AFF2: variants seen among roughly 807,000 people sequenced by gnomAD.
AFF2 encodes ALF transcription elongation factor 2, also known as AF4/FMR2 family member 2.
A neutral mutation model predicts 76.9 loss-of-function variants in AFF2; 14 were observed. That is an observed-to-expected ratio of 0.18 (90% CI 0.12 to 0.28). The LOEUF (loss-of-function observed/expected upper bound fraction) is 0.28, where lower values mean the gene tolerates loss of function less well. Ranked by LOEUF, AFF2 falls within the 10% of genes least tolerant of loss-of-function variation. The pLI, the probability that AFF2 is intolerant of heterozygous loss-of-function variation, is 1.00. For synonymous variants in AFF2, 398 were observed against 366.7 expected (o/e 1.09, Z -0.98); for missense variants, 868 against 1,001.1 (o/e 0.87, Z 1.79).
intron 1 of AFF2, among the ~76,000 whole-genome samples, chrX:148,612,454 C>A (rs1190947407): frequency 8.9e-6 from 1 of 112,312 alleles, no homozygotes; most frequent in Non-Finnish European, 1.9e-5. Context: ...GTATTTTCCA[C>A]CTGATACTGC....
intron 1 of AFF2, among the ~76,000 whole-genome samples, chrX:148,641,434 G>A (rs1375922964): frequency 8.9e-6 from 1 of 111,821 alleles, no homozygotes; most frequent in Non-Finnish European, 1.9e-5. Flanking sequence ...AGGGGAGAAA[G>A]AAGAATGAGT....
At chrX:148,747,582 T>C (rs782219561) in intron 3 of AFF2, among the ~76,000 whole-genome samples, 1 of 111,924 alleles carries the variant, frequency 8.9e-6, no homozygotes, top group African/African-American at 3.2e-5. Flanking sequence ...TGCCTGGGAC[T>C]GTTTTGTTGT....
intron 9 of AFF2, among the ~76,000 whole-genome samples, chrX:148,938,125 T>C (rs781958477): frequency 1.9e-4 from 21 of 112,388 alleles, no homozygotes; most frequent in Non-Finnish European, 3.4e-4. Context: ...TGGAGTCTTA[T>C]GTATTCCCTC....
intron 19 of AFF2, among the ~76,000 whole-genome samples, chrX:148,982,351 C>T (rs1557290976): frequency 3.6e-5 from 4 of 111,819 alleles, no homozygotes; most frequent in African/African-American, 6.5e-5. Context: ...ATCTGCAGCA[C>T]GATGGGCTGG....
At chrX:148,576,180 A>G (rs1222261373) in intron 1 of AFF2, among the ~76,000 whole-genome samples, 2 of 111,878 alleles carry the variant, frequency 1.8e-5, no homozygotes, top group Non-Finnish European at 1.9e-5. Context: ...TGGCACCCAG[A>G]TGCTTTGCTG....
intron 1 of AFF2, among the ~76,000 whole-genome samples, chrX:148,603,548 G>T (rs2053646874): frequency 9.2e-6 from 1 of 109,281 alleles, no homozygotes; most frequent in African/African-American, 3.3e-5. Flanking sequence ...TATTTTAGGG[G>T]GAGACTTTGA....
intron 1 of AFF2, among the ~76,000 whole-genome samples, chrX:148,585,472 A>G (rs782050329): frequency 3.6e-5 from 4 of 112,116 alleles, no homozygotes; most frequent in Non-Finnish European, 5.6e-5. Flanking sequence ...CTTGGCACAG[A>G]GTATGCTCTC....
chrX:148,874,514 G>A (rs2071014020), intron 7 of AFF2, among the ~76,000 whole-genome samples: 3 of 111,179 alleles, frequency 2.7e-5, no homozygotes, highest in Non-Finnish European at 5.7e-5. Context: ...GCACAGGCTG[G>A]ACCTGTAGTC....
intron 3 of AFF2, among the ~76,000 whole-genome samples, chrX:148,755,474 T>G (rs1466035590): frequency 9.0e-6 from 1 of 111,568 alleles, no homozygotes; most frequent in African/African-American, 3.3e-5. Flanking sequence ...TGCAGCAAGT[T>G]AGAATCACAT....
At chrX:148,519,953 G>T (rs1012656308) in intron 1 of AFF2, among the ~76,000 whole-genome samples, 5 of 112,094 alleles carry the variant, frequency 4.5e-5, no homozygotes, top group African/African-American at 1.6e-4. Context: ...AATGCTAGCT[G>T]CCCTGAAGAT....
intron 16 of AFF2, among the ~76,000 whole-genome samples, chrX:148,975,191 A>G (rs1856335170): frequency 9.0e-6 from 1 of 110,852 alleles, no homozygotes; most frequent in Non-Finnish European, 1.9e-5. Flanking sequence ...AGCCATACAA[A>G]TGAGTATTCA....
At chrX:148,922,201 C>A (rs1765344253) in intron 9 of AFF2, among the ~76,000 whole-genome samples, 1 of 111,803 alleles carries the variant, frequency 8.9e-6, no homozygotes, top group Admixed American at 9.5e-5. Flanking sequence ...ATTTCCTCCC[C>A]TGGTATATTT....
At chrX:148,610,234 T>C (rs1181558257) in intron 1 of AFF2, among the ~76,000 whole-genome samples, 3 of 111,149 alleles carry the variant, frequency 2.7e-5, no homozygotes, top group African/African-American at 9.8e-5. Flanking sequence ...ATTCTAACTG[T>C]AAATGACTTG....
chrX:148,953,603 C>G lies in AFF2; in HGVS notation c.1421C>G (p.Pro474Arg). ...PVNPPLATPQ[P>R]PPAVQASGGS... The stretch of plus-strand genomic sequence containing the variant: ...AGCCCACCCTTGGCCACTCCCCAGC[C>G]CCCACCTGCAGTGCAAGCCAGCGGG... Residue 474 changes from proline (P) to arginine (R), a missense_variant, in exon 10 of 21, where the codon CCC (proline) becomes CGC (arginine). Transcript: ENST00000370460. The G allele has an allele frequency of 8.3e-7, 1 of 1,211,044 alleles. No individual in the cohort carries two copies. Among genetic ancestry groups the G allele is most frequent in the Admixed American group, 2.2e-5 (1 of 45,969 alleles).
chrX:148,829,547 G>T (rs1376361420), intron 4 of AFF2, among the ~76,000 whole-genome samples: 1 of 111,953 alleles, frequency 8.9e-6, no homozygotes, highest in Admixed American at 9.5e-5. Context: ...ATCCCTGGGA[G>T]AATGACAAAT....
At chrX:148,581,111 A>ATG (rs2053364617) in intron 1 of AFF2, among the ~76,000 whole-genome samples, 1 of 94,677 alleles carries the variant, frequency 1.1e-5, no homozygotes, top group African/African-American at 3.6e-5. Context: ...ATATACACAT[A>ATG]CGTATACACA....
chrX:148,986,019 A>G (rs2072466697), intron 19 of AFF2, among the ~76,000 whole-genome samples: 2 of 103,463 alleles, frequency 1.9e-5, no homozygotes, highest in African/African-American at 7.2e-5. Context: ...TCCCCAAATC[A>G]TCTGTATGTG....
chrX:148,978,240 C>G (rs1603352176), intron 17 of AFF2, 122 bp from the exon 18 acceptor site: 2 of 548,298 alleles, frequency 3.6e-6, no homozygotes, highest in East Asian at 6.6e-5. Context: ...TCTTTATTTA[C>G]TTATGTTTCT....
intron 16 of AFF2, among the ~76,000 whole-genome samples, chrX:148,975,836 T>C (rs1194100026): frequency 1.1e-5 from 1 of 92,398 alleles, no homozygotes; most frequent in South Asian, 5.9e-4. Flanking sequence ...CCCAGCTACT[T>C]GGGAGGCTGA....
Sources: gnomAD v4.1 joint callset for allele counts (sites outside exome capture counted in the v4.1 genomes callset) on GRCh38, gnomAD v4.1.1 for gene constraint, MANE v1.5 for transcripts, NCBI Gene and HGNC (gene_info 2026-07-23, HGNC 2026-07-21) for gene names.